ARHGAP6: variants seen among roughly 807,000 people sequenced by gnomAD.
ARHGAP6 encodes rho GTPase-activating protein 6.
Under a neutral mutation model 55.7 loss-of-function variants are expected in ARHGAP6, and 16 were observed. The observed-to-expected ratio is 0.29, with a 90% CI of 0.19 to 0.44. The LOEUF (loss-of-function observed/expected upper bound fraction) is 0.44. Among genes scored for constraint, ARHGAP6 ranks in the 20% least tolerant of loss-of-function variants. The pLI is 1.00. For synonymous variants in ARHGAP6, 382 were observed against 360.9 expected (o/e 1.06, Z -0.66); for missense variants, 698 against 808.9 (o/e 0.86, Z 1.66).
intron 1 of ARHGAP6, among the ~76,000 whole-genome samples, chrX:11,663,761 C>T (rs752336436): frequency 2.7e-5 from 3 of 111,917 alleles, no homozygotes; most frequent in Non-Finnish European, 5.6e-5. Flanking sequence ...GTCCCCCCTG[C>T]CACCCAAACA....
chrX:11,454,200 C>G (rs1266894453), intron 1 of ARHGAP6, among the ~76,000 whole-genome samples: 1 of 103,810 alleles, frequency 9.6e-6, no homozygotes, highest in African/African-American at 3.5e-5. Flanking sequence ...GACCTCATGA[C>G]ACGCCCGCCT....
At chrX:11,510,993 C>G (rs2050780317) in intron 1 of ARHGAP6, among the ~76,000 whole-genome samples, 1 of 111,805 alleles carries the variant, frequency 8.9e-6, no homozygotes, top group African/African-American at 3.2e-5. Context: ...CTACCTAGCT[C>G]TTTCCAAAAA....
intron 1 of ARHGAP6, among the ~76,000 whole-genome samples, chrX:11,303,440 G>C (rs1312391505): frequency 8.9e-6 from 1 of 111,900 alleles, no homozygotes; most frequent in African/African-American, 3.3e-5. Context: ...AGAGAAGAAA[G>C]GAGTGGTCAT....
At chrX:11,363,187 G>A (rs1274831026) in intron 1 of ARHGAP6, among the ~76,000 whole-genome samples, 1 of 112,138 alleles carries the variant, frequency 8.9e-6, no homozygotes, top group African/African-American at 3.2e-5. Flanking sequence ...GCCACAGTAT[G>A]CTAAGGGAAG....
Position 11,367,810 on chromosome X carries a change from C to A in ARHGAP6, c.589-113103G>T, listed in dbSNP as rs1953360997. The A allele has an allele frequency of 6.6e-6, 5 of 753,310 alleles. No homozygotes were observed. In the South Asian group the frequency reaches 2.7e-4, roughly 41 times the overall value. 62.1% of individuals were successfully genotyped at this position (753,310 alleles called of 1,213,427 possible). ...ACTTCCAGGCTTCCGCCCTATCAGGCAGGCACATCTGCTTCTCCAGATGAA... is the reference window on the plus strand; with the variant it reads ...ACTTCCAGGCTTCCGCCCTATCAGGAAGGCACATCTGCTTCTCCAGATGAA... On this transcript the variant is annotated intron_variant, in intron 1 of 12. Coordinates refer to ENST00000337414, the MANE Select transcript of ARHGAP6 (RefSeq NM_013427.3).
intron 1 of ARHGAP6, among the ~76,000 whole-genome samples, chrX:11,448,408 A>G (rs192867759): frequency 1.8e-5 from 2 of 111,858 alleles, no homozygotes; most frequent in African/African-American, 6.5e-5. Flanking sequence ...AAATATGCAG[A>G]CTAGACACAG....
chrX:11,607,298 A>G (rs1268347141), intron 1 of ARHGAP6, among the ~76,000 whole-genome samples: 2 of 111,899 alleles, frequency 1.8e-5, no homozygotes, highest in African/African-American at 6.5e-5. Context: ...TGATATCAAC[A>G]GAGGTCCAAA....
intron 1 of ARHGAP6, among the ~76,000 whole-genome samples, chrX:11,568,643 G>A (rs889158659): frequency 1.8e-5 from 2 of 109,604 alleles, no homozygotes; most frequent in African/African-American, 6.7e-5. Flanking sequence ...TGTAATCCCA[G>A]CTACTCGGGA....
At chrX:11,618,452 C>G (rs1381099453) in intron 1 of ARHGAP6, among the ~76,000 whole-genome samples, 1 of 112,060 alleles carries the variant, frequency 8.9e-6, no homozygotes, top group African/African-American at 3.2e-5. Flanking sequence ...AAGTAGAAAT[C>G]TATATGACTA....
At chrX:11,141,262 A>G (rs1031817464) in intron 12 of ARHGAP6, among the ~76,000 whole-genome samples, 2 of 112,287 alleles carry the variant, frequency 1.8e-5, no homozygotes, top group African/African-American at 6.5e-5. Context: ...ATGAAATGAC[A>G]TTAAAAAGAA....
At chrX:11,483,961 T>A (rs896284156) in intron 1 of ARHGAP6, among the ~76,000 whole-genome samples, 1 of 111,880 alleles carries the variant, frequency 8.9e-6, no homozygotes, top group Non-Finnish European at 1.9e-5. Flanking sequence ...GACACCGTCT[T>A]CAACTCTCTT....
At chrX:11,582,895 A>G (rs2051682032) in intron 1 of ARHGAP6, among the ~76,000 whole-genome samples, 1 of 111,711 alleles carries the variant, frequency 9.0e-6, no homozygotes, top group African/African-American at 3.2e-5. Context: ...TTATTTGTGA[A>G]TTATACCTCA....
chrX:11,369,542 T>C (rs2049121005), intron 1 of ARHGAP6, among the ~76,000 whole-genome samples: 1 of 111,686 alleles, frequency 9.0e-6, no homozygotes, highest in Non-Finnish European at 1.9e-5. Flanking sequence ...ACTCATACCT[T>C]TGTGACCTTA....
At chrX:11,628,067 T>A (rs1368714024) in intron 1 of ARHGAP6, among the ~76,000 whole-genome samples, 1 of 112,411 alleles carries the variant, frequency 8.9e-6, no homozygotes, top group African/African-American at 3.2e-5. Context: ...AATTTGAGAA[T>A]AAGTTGAAAC....
chrX:11,215,621 T>TCC (rs1311167668), intron 2 of ARHGAP6, among the ~76,000 whole-genome samples: 1 of 112,637 alleles, frequency 8.9e-6, no homozygotes, highest in African/African-American at 3.2e-5. Context: ...ACCTCTAACA[T>TCC]CCGAGGACAA....
intron 1 of ARHGAP6, among the ~76,000 whole-genome samples, chrX:11,426,215 G>A (rs1388335142): frequency 9.0e-6 from 1 of 111,393 alleles, no homozygotes; most frequent in Non-Finnish European, 1.9e-5. Flanking sequence ...GGAGGAAAGC[G>A]AAGTGTACGA....
At chrX:11,526,813 T>G (rs1489055866) in intron 1 of ARHGAP6, among the ~76,000 whole-genome samples, 1 of 111,882 alleles carries the variant, frequency 8.9e-6, no homozygotes, top group Non-Finnish European at 1.9e-5. Flanking sequence ...TGAATTCATT[T>G]TGATTGACAA....
intron 1 of ARHGAP6, among the ~76,000 whole-genome samples, chrX:11,359,512 G>C (rs111340977): frequency 8.3e-4 from 93 of 111,805 alleles, no homozygotes; most frequent in Middle Eastern, 4.6e-3. Context: ...ATAATAAAAG[G>C]CTTGCTAAAA....
At chrX:11,474,932 C>T (rs1407146113) in intron 1 of ARHGAP6, among the ~76,000 whole-genome samples, 1 of 110,831 alleles carries the variant, frequency 9.0e-6, no homozygotes, top group Non-Finnish European at 1.9e-5. Context: ...GTGCCCACTT[C>T]CCTTTTGACC....
Sources: gnomAD v4.1 joint callset for allele counts (sites outside exome capture counted in the v4.1 genomes callset) on GRCh38, gnomAD v4.1.1 for gene constraint, MANE v1.5 for transcripts, NCBI Gene and HGNC (gene_info 2026-07-23, HGNC 2026-07-21) for gene names.